RAB5C: variants seen among roughly 807,000 people sequenced by gnomAD.
RAB5C encodes the protein RAB5C, member RAS oncogene family, also known as ras-related protein Rab-5C.
Under a neutral mutation model 25.2 loss-of-function variants are expected in RAB5C, and 4 were observed. The observed-to-expected ratio is 0.16, with a 90% CI of 0.08 to 0.36. The LOEUF (loss-of-function observed/expected upper bound fraction) is 0.36. Ranked by LOEUF, RAB5C falls within the 10% of genes least tolerant of loss-of-function variation. The pLI, the probability that RAB5C is intolerant of heterozygous loss-of-function variation, is 1.00. For missense variants in RAB5C, 199 were observed against 283.8 expected (o/e 0.70, Z 2.15); for synonymous variants, 100 against 106.4 (o/e 0.94, Z 0.37).
chr17:42,141,059 G>A (rs1350578212), intron 1 of RAB5C, among the ~76,000 whole-genome samples: 1 of 151,568 alleles, frequency 6.6e-6, no homozygotes, highest in African/African-American at 2.4e-5. Flanking sequence ...AGACTCCTGG[G>A]CTCAAGTGAT....
At chr17:42,144,978 A>AAAAAAAAAAC (rs2079624945) in intron 1 of RAB5C, among the ~76,000 whole-genome samples, 1 of 124,748 alleles carries the variant, frequency 8.0e-6, no homozygotes, top group Non-Finnish European at 1.7e-5. Context: ...AAAAAAAAAA[A>AAAAAAAAAAC]AAGAAACCCC....
intron 1 of RAB5C, among the ~76,000 whole-genome samples, chr17:42,146,289 G>A (rs139754320): frequency 6.6e-6 from 1 of 152,238 alleles, no homozygotes; most frequent in African/African-American, 2.4e-5. Context: ...AATAAAGGAT[G>A]GACTTTAATG....
intron 5 of RAB5C, 140 bp downstream of exon 5, chr17:42,126,615 G>C (rs762763285): frequency 7.2e-6 from 3 of 414,256 alleles, no homozygotes; most frequent in East Asian, 7.8e-5. Context: ...CTGGGTGATA[G>C]AGCGAGACTC....
Position 42,126,631 on chromosome 17 carries a change from C to CAAAAA in RAB5C, c.535+119_535+123dup, listed in dbSNP as rs71357528. ...TGGGTGATAGAGCGAGACTCCATCT[C>CAAAAA]AAAAAAAAAAAAAAAAAAAAAAAAA... is the stretch of plus-strand genomic sequence containing the variant. On this transcript the variant is annotated intron_variant, in intron 5 of 5. Coordinates refer to ENST00000346213, the MANE Select transcript of RAB5C (RefSeq NM_004583.4). 31 of 84,548 alleles carry CAAAAA rather than the reference C, an allele frequency of 3.7e-4. 1 individual carries two copies. Among genetic ancestry groups the CAAAAA allele is most frequent in the South Asian group, 5.5e-4 (6 of 10,956 alleles). The allele number at this position is 84,548 out of a possible 1,614,324, so 5.2% of individuals were successfully genotyped here.
chr17:42,131,536 G>C (rs768134886), intron 1 of RAB5C: 1 of 1,417,214 alleles, frequency 7.1e-7, no homozygotes, highest in Non-Finnish European at 9.6e-7. Flanking sequence ...AACACACACA[G>C]AAACACACAC....
intron 1 of RAB5C, among the ~76,000 whole-genome samples, chr17:42,139,856 C>T (rs1048093389): frequency 2.0e-5 from 3 of 152,320 alleles, no homozygotes; most frequent in Non-Finnish European, 4.4e-5. Context: ...GTGGCTCACA[C>T]GCCACCAGTC....
In RAB5C at chr17:42,126,631, C is replaced by CAAAAAA. The variant is rs71357528; in HGVS notation, c.535+118_535+123dup. ...TGGGTGATAGAGCGAGACTCCATCT[C>CAAAAAA]AAAAAAAAAAAAAAAAAAAAAAAAA... On this transcript the variant is annotated intron_variant, in intron 5 of 5. Transcript: ENST00000346213. 13 of 84,546 alleles carry CAAAAAA rather than the reference C, an allele frequency of 1.5e-4. 2 individuals are homozygous for CAAAAAA. The highest frequency in any genetic ancestry group is 5.5e-4 in the South Asian group (6 of 10,954). 5.2% of individuals were successfully genotyped at this position (84,546 alleles called of 1,614,324 possible).
chr17:42,144,800 G>A (rs1483446892), intron 1 of RAB5C, among the ~76,000 whole-genome samples: 6 of 151,704 alleles, frequency 4.0e-5, no homozygotes, highest in East Asian at 1.9e-4. Flanking sequence ...GGTGGCGGGC[G>A]CCTGTAGTCC....
At chr17:42,133,328 G>A (rs1222722624) in intron 1 of RAB5C, among the ~76,000 whole-genome samples, 1 of 152,200 alleles carries the variant, frequency 6.6e-6, no homozygotes, top group Admixed American at 6.5e-5. Flanking sequence ...AACCAAAGCA[G>A]CTGGTGCTTA....
At chr17:42,131,713 C>T in intron 1 of RAB5C, 1 of 1,116,398 alleles carries the variant, frequency 9.0e-7, no homozygotes, top group Non-Finnish European at 1.3e-6. Context: ...GCTGGTGTTC[C>T]AGTCCCGACA....
intron 1 of RAB5C, among the ~76,000 whole-genome samples, chr17:42,137,060 C>T (rs1164704253): frequency 6.6e-6 from 1 of 152,048 alleles, no homozygotes; most frequent in Non-Finnish European, 1.5e-5. Context: ...AATCCCAGCA[C>T]TTTGGGAGGC....
At chr17:42,139,971 T>C (rs2054575980) in intron 1 of RAB5C, among the ~76,000 whole-genome samples, 1 of 152,196 alleles carries the variant, frequency 6.6e-6, no homozygotes, top group Admixed American at 6.5e-5. Context: ...TTTCATTTGT[T>C]CAGGCAGTTA....
intron 1 of RAB5C, among the ~76,000 whole-genome samples, chr17:42,144,109 G>A (rs2079618084): frequency 6.6e-6 from 1 of 152,038 alleles, no homozygotes; most frequent in Non-Finnish European, 1.5e-5. Flanking sequence ...ATAAACCAAA[G>A]TGTAAAATAA....
intron 1 of RAB5C, among the ~76,000 whole-genome samples, chr17:42,150,904 T>C (rs1377882584): frequency 6.6e-5 from 10 of 152,116 alleles, no homozygotes. Flanking sequence ...CAACTGCTAT[T>C]TTGTGGGCAT....
intron 1 of RAB5C, among the ~76,000 whole-genome samples, chr17:42,140,501 ATATATATATATATATTTTTTTTTT>A (rs1338418040): frequency 2.0e-4 from 10 of 50,984 alleles, no homozygotes; most frequent in African/African-American, 1.1e-3. Context: ...ATATATATAT[ATATATATATATATATTTTTTTTTT>A]TTTTTTTTTT....
rs2054418004 is a variant in RAB5C, at chr17:42,125,914, A to G, written c.536-16T>C. ...AGCTTCTTAGCTGTTTGGGAGGGGG[A>G]AAAGTGCATTTGTTGGGGGTACCCC... On this transcript the variant is annotated splice_polypyrimidine_tract_variant and intron_variant, in intron 5 of 5. Transcript: ENST00000346213. 1.3e-6 allele frequency: 2 copies of G among 1,579,862 alleles called. No individual in the cohort carries two copies. Among genetic ancestry groups the G allele is most frequent in the African/African-American group, 1.3e-5 (1 of 74,276 alleles).
In RAB5C at chr17:42,125,820, T is replaced by C; in HGVS notation, c.614A>G (p.Asn205Ser). 1 of 1,610,436 alleles carries C rather than the reference T, an allele frequency of 6.2e-7. No homozygotes were observed. Among genetic ancestry groups the C allele is most frequent in the Non-Finnish European group, 8.5e-7 (1 of 1,178,686 alleles). The change falls in exon 6 of 6, where the codon AAC (asparagine) becomes AGC (serine). Residue 205 changes from asparagine (N) to serine (S), a missense_variant. Transcript: ENST00000346213. Reference protein sequence around the residue: ...GRNRGVDLQENNPASRSQCCS... With the variant: ...GRNRGVDLQESNPASRSQCCS... ...GCACTGGCTCCGGCTGGCTGGGTTGTTCTCCTGGAGGTCCACACCTCGGTT... is the reference window on the plus strand; with the variant it reads ...GCACTGGCTCCGGCTGGCTGGGTTGCTCTCCTGGAGGTCCACACCTCGGTT...
At chr17:42,133,473 C>T (rs189529655) in intron 1 of RAB5C, among the ~76,000 whole-genome samples, 9 of 152,288 alleles carry the variant, frequency 5.9e-5, no homozygotes, top group African/African-American at 2.2e-4. Flanking sequence ...GAAGGGGAGA[C>T]AAATAACTCT....
At chr17:42,153,858 G>A (rs1052260629) in intron 1 of RAB5C, among the ~76,000 whole-genome samples, 1 of 152,216 alleles carries the variant, frequency 6.6e-6, no homozygotes, top group East Asian at 1.9e-4. Context: ...TAAAAATCCA[G>A]AACTGCCATT....
Sources: allele counts gnomAD v4.1 joint callset (sites outside exome capture counted in the v4.1 genomes callset), GRCh38; gene constraint gnomAD v4.1.1; transcripts MANE v1.5; gene names NCBI Gene and HGNC (gene_info 2026-07-23, HGNC 2026-07-21).